PACS1: variants seen among roughly 807,000 people sequenced by gnomAD.
PACS1 encodes PACS-1.
Under a neutral mutation model 115.0 loss-of-function variants are expected in PACS1, and 24 were observed. The observed-to-expected ratio is 0.21, with a 90% CI of 0.15 to 0.29. The LOEUF is 0.29. Among genes scored for constraint, PACS1 ranks in the 10% least tolerant of loss-of-function variants. The probability of loss-of-function intolerance (pLI) is 1.00; values close to 1 mark genes in which losing one functional copy is unlikely to be tolerated. For synonymous variants in PACS1, 453 were observed against 504.5 expected (o/e 0.90, Z 1.37); for missense variants, 838 against 1,251.2 (o/e 0.67, Z 4.98).
At chr11:66,119,693 G>A (rs1858396282) in intron 1 of PACS1, among the ~76,000 whole-genome samples, 1 of 152,198 alleles carries the variant, frequency 6.6e-6, no homozygotes, top group South Asian at 2.1e-4. Context: ...TTTGAATTTA[G>A]TTATGGGAAT....
At chr11:66,085,826 G>A (rs998676475) in intron 1 of PACS1, among the ~76,000 whole-genome samples, 8 of 152,206 alleles carry the variant, frequency 5.3e-5, no homozygotes, top group African/African-American at 1.9e-4. Flanking sequence ...ATGTATTTCT[G>A]TGTAAATTCT....
At chr11:66,095,531 C>T (rs1029733982) in intron 1 of PACS1, among the ~76,000 whole-genome samples, 2 of 152,246 alleles carry the variant, frequency 1.3e-5, no homozygotes, top group Non-Finnish European at 2.9e-5. Context: ...GATCTCCACT[C>T]ACTACGAACT....
intron 10 of PACS1, among the ~76,000 whole-genome samples, chr11:66,223,574 T>C (rs1855406194): frequency 6.6e-6 from 1 of 152,144 alleles, no homozygotes; most frequent in Admixed American, 6.5e-5. Context: ...CAAACCCTAC[T>C]GGGCAAACCC....
intron 1 of PACS1, among the ~76,000 whole-genome samples, chr11:66,095,646 C>T (rs895080886): frequency 6.6e-6 from 1 of 152,036 alleles, no homozygotes; most frequent in African/African-American, 2.4e-5. Flanking sequence ...TTAGTAGAGA[C>T]GGAGTTTCAC....
At chr11:66,142,152 C>T (rs909688357) in intron 1 of PACS1, among the ~76,000 whole-genome samples, 7 of 151,968 alleles carry the variant, frequency 4.6e-5, no homozygotes, top group African/African-American at 1.7e-4. Context: ...CTCTCCTGGG[C>T]TCAACTGATC....
chr11:66,238,242 C>T (rs548303163), intron 19 of PACS1: 351 of 985,270 alleles, frequency 3.6e-4, no homozygotes, highest in Middle Eastern at 5.2e-4. Context: ...CACCTTAGCA[C>T]GTCCACTTGG....
intron 1 of PACS1, among the ~76,000 whole-genome samples, chr11:66,104,611 C>T (rs1040692502): frequency 6.6e-6 from 1 of 152,168 alleles, no homozygotes; most frequent in Non-Finnish European, 1.5e-5. Flanking sequence ...GTTTGCCAAC[C>T]TCTGATCTAG....
At chr11:66,115,208 CAAAA>C (rs71455703) in intron 1 of PACS1, among the ~76,000 whole-genome samples, 3 of 80,362 alleles carry the variant, frequency 3.7e-5, no homozygotes, top group East Asian at 3.0e-4. Flanking sequence ...GACCCTATCT[CAAAA>C]AAAAAAAAAA....
At chr11:66,120,133 T>C (rs566485998) in intron 1 of PACS1, among the ~76,000 whole-genome samples, 1 of 148,560 alleles carries the variant, frequency 6.7e-6, no homozygotes, top group African/African-American at 2.5e-5. Context: ...ACTGTGAAAA[T>C]TATGTCTGTG....
chr11:66,213,016 A>T (rs1448746898), intron 4 of PACS1, among the ~76,000 whole-genome samples: 2 of 151,802 alleles, frequency 1.3e-5, no homozygotes, highest in East Asian at 1.9e-4. Flanking sequence ...TGCCCGGCTA[A>T]TTTTTTTTAT....
At chr11:66,144,708 G>A (rs564857109) in intron 1 of PACS1, among the ~76,000 whole-genome samples, 3 of 152,178 alleles carry the variant, frequency 2.0e-5, no homozygotes, top group African/African-American at 7.2e-5. Flanking sequence ...ATCTCGGCTC[G>A]CTGCAACCTC....
In PACS1 at chr11:66,220,004, T is replaced by C. The variant is rs182489344; in HGVS notation, c.1038+199T>C. Among the ~76,000 whole-genome samples, 851 of 152,044 alleles carry C rather than the reference T, an allele frequency of 5.6e-3. 26 individuals are homozygous for C. Among genetic ancestry groups the C allele is most frequent in the Non-Finnish European group, 3.1e-3 (211 of 67,998 alleles). The stretch of plus-strand genomic sequence containing the variant: ...AAGCAAGCAGAGGAGAGAGAGGCTA[T>C]GCACACAACGCAGGGCAGCACAGCT... On this transcript the variant is annotated intron_variant, in intron 8 of 23. Coordinates refer to ENST00000320580, the MANE Select transcript of PACS1 (RefSeq NM_018026.4).
chr11:66,196,045 T>C (rs922609433), intron 2 of PACS1, among the ~76,000 whole-genome samples: 9 of 152,174 alleles, frequency 5.9e-5, no homozygotes, highest in Non-Finnish European at 8.8e-5. Flanking sequence ...GTCATTGTGT[T>C]GTTTACCATC....
chr11:66,238,367 C>T lies in PACS1; in HGVS notation c.2251-437C>T, dbSNP rs11828032. The stretch of plus-strand genomic sequence containing the variant: ...GTGATTCCTGCCTTCAGCCCTTTAT[C>T]CCCAGAGAAGAGCTGCAAAGTCTCG... On this transcript the variant is annotated intron_variant, in intron 19 of 23. Transcript: ENST00000320580. 1,545 of 1,013,994 alleles carry T rather than the reference C, an allele frequency of 1.5e-3. 17 individuals carry two copies. The African/African-American group carries it at 0.024, about 16-fold the overall frequency. The allele number at this position is 1,013,994 out of a possible 1,614,324, so 62.8% of individuals were successfully genotyped here. A position where few individuals can be genotyped will look rare whatever the true frequency, so the allele number is the denominator to read the frequency against.
At position 66,079,212 on chromosome 11, in the gene PACS1, G is replaced by T. The variant is rs548533149; in HGVS notation, c.356+8370G>T. ...TTTTCAGTTGTTTTTCTGAAACATT[G>T]TGTGTGTTTGTGTGTGAGTATGTGC... On this transcript the variant is annotated intron_variant, in intron 1 of 23. Coordinates refer to ENST00000320580, the MANE Select transcript of PACS1 (RefSeq NM_018026.4). Among the ~76,000 whole-genome samples, 3 of 151,504 alleles carry T rather than the reference G, an allele frequency of 2.0e-5. No homozygotes were observed. In the East Asian group the frequency reaches 5.8e-4, roughly 29 times the overall value.
intron 1 of PACS1, among the ~76,000 whole-genome samples, chr11:66,116,556 A>G (rs1189452141): frequency 6.6e-6 from 1 of 152,224 alleles, no homozygotes; most frequent in East Asian, 1.9e-4. Flanking sequence ...CTTTTTGGAA[A>G]TAGAGTGGTG....
At chr11:66,148,164 T>A (rs981732440) in intron 1 of PACS1, among the ~76,000 whole-genome samples, 1 of 152,112 alleles carries the variant, frequency 6.6e-6, no homozygotes, top group African/African-American at 2.4e-5. Flanking sequence ...ATTATTATTA[T>A]TATTTTTTGA....
At chr11:66,158,543 C>G (rs1398624936) in intron 1 of PACS1, among the ~76,000 whole-genome samples, 3 of 152,096 alleles carry the variant, frequency 2.0e-5, no homozygotes, top group Admixed American at 2.0e-4. Context: ...TCTACAAAAA[C>G]AGAAAAAACT....
At chr11:66,204,493 A>G (rs1258709350) in intron 2 of PACS1, among the ~76,000 whole-genome samples, 1 of 152,176 alleles carries the variant, frequency 6.6e-6, no homozygotes, top group Non-Finnish European at 1.5e-5. Flanking sequence ...AGTTTCCTCA[A>G]AAAACCAAAA....
Sources: gnomAD v4.1 joint callset for allele counts (sites outside exome capture counted in the v4.1 genomes callset) on GRCh38, gnomAD v4.1.1 for gene constraint, MANE v1.5 for transcripts, NCBI Gene and HGNC (gene_info 2026-07-23, HGNC 2026-07-21) for gene names.